The following GPRC5B variants were observed in gnomAD, a reference collection of about 807,000 sequenced individuals.
GPRC5B encodes G protein-coupled receptor class C group 5 member B, also known as G protein-coupled receptor family C group 5 member B.
A neutral mutation model predicts 30.1 loss-of-function variants in GPRC5B; 16 were observed. The ratio of observed to expected loss-of-function variants is 0.53; its 90% CI spans 0.36 to 0.81. GPRC5B has a LOEUF of 0.81. GPRC5B is among the 30% of genes least tolerant of loss of function. The pLI, the probability that GPRC5B is intolerant of heterozygous loss-of-function variation, is 0.01. For missense variants in GPRC5B, 428 were observed against 544.7 expected (o/e 0.79, Z 2.13); for synonymous variants, 241 against 239.5 (o/e 1.01, Z -0.06).
chr16:19,876,107 G>A (rs936092297), intron 1 of GPRC5B, among the ~76,000 whole-genome samples: 2 of 152,222 alleles, frequency 1.3e-5, no homozygotes, highest in Non-Finnish European at 2.9e-5. Context: ...CAGCCCCAGG[G>A]TGGCTGGGAG....
In GPRC5B at chr16:19,858,195, A is replaced by G. The variant is rs1567205320; in HGVS notation, c.*2305T>C. ...CTTTTCAGGTGTAGTCATTAGAAAA[A>G]GAACAGCTCTCTCCCTTCTCCTCTC... On this transcript the variant is annotated 3_prime_UTR_variant, in exon 4 of 4. Transcript: ENST00000300571. The G allele has an allele frequency of 1.3e-5, 4 of 296,548 alleles. No homozygotes were observed. The South Asian group carries it at 4.7e-4, about 35-fold the overall frequency. The allele number at this position is 296,548 out of a possible 1,614,324, so 18.4% of individuals were successfully genotyped here.
At chr16:19,866,396 A>G (rs898505789) in intron 2 of GPRC5B, among the ~76,000 whole-genome samples, 5 of 151,212 alleles carry the variant, frequency 3.3e-5, no homozygotes, top group African/African-American at 1.2e-4. Context: ...TCCCTTTGTC[A>G]CCCAGGCTGG....
chr16:19,873,936 C>G (rs904874677), intron 1 of GPRC5B, among the ~76,000 whole-genome samples: 2 of 152,068 alleles, frequency 1.3e-5, no homozygotes, highest in Non-Finnish European at 2.9e-5. Flanking sequence ...TGCGCCACCA[C>G]GCCTGGCTAA....
chr16:19,871,495 G>A (rs527725385), intron 2 of GPRC5B, among the ~76,000 whole-genome samples: 47 of 152,146 alleles, frequency 3.1e-4, no homozygotes, highest in East Asian at 9.7e-4. Flanking sequence ...GGTGGCACAC[G>A]CCTATAGTCC....
At chr16:19,863,070 G>A (rs1454248597) in intron 2 of GPRC5B, among the ~76,000 whole-genome samples, 1 of 152,104 alleles carries the variant, frequency 6.6e-6, no homozygotes, top group Non-Finnish European at 1.5e-5. Context: ...CCAGGAGCCA[G>A]GCACTGTGCA....
rs1465700403 is a variant in GPRC5B at position 19,872,848 on chromosome 16, T to C, written c.-1-2A>G. 1 of 1,607,006 alleles carries C rather than the reference T, an allele frequency of 6.2e-7. No homozygotes were observed. The highest frequency in any genetic ancestry group is 8.5e-7 in the Non-Finnish European group (1 of 1,174,770). The stretch of plus-strand genomic sequence containing the variant: ...TTTCTCTCTGATGCCACGAACATTC[T>C]AGAAAAGCCAAGAGGGGAATGGTTG... On this transcript the variant is annotated splice_acceptor_variant, in intron 1 of 3. Coordinates refer to ENST00000300571, the MANE Select transcript of GPRC5B (RefSeq NM_016235.3). LOFTEE classifies it low-confidence loss of function (5UTR_SPLICE). The surrounding 1 kb of genome is among the most constrained non-coding windows in gnomAD (Gnocchi z 5.0).
intron 3 of GPRC5B, among the ~76,000 whole-genome samples, chr16:19,860,767 G>A (rs2056615147): frequency 6.6e-6 from 1 of 152,136 alleles, no homozygotes; most frequent in Non-Finnish European, 1.5e-5. Context: ...AGGAATGTAA[G>A]TTCAACTCAT....
chr16:19,863,479 G>A (rs2056642750), intron 2 of GPRC5B, among the ~76,000 whole-genome samples: 1 of 145,804 alleles, frequency 6.9e-6, no homozygotes, highest in Admixed American at 7.1e-5. Context: ...ACCCAGGCAA[G>A]GAATCTGTGT....
At chr16:19,865,851 T>C (rs227760) in intron 2 of GPRC5B, among the ~76,000 whole-genome samples, 18,771 of 152,238 alleles carry the variant, frequency 0.12, 1,593 homozygotes, top group Non-Finnish European at 0.18. Flanking sequence ...TGGTTACATC[T>C]GAGAATCACT....
intron 1 of GPRC5B, among the ~76,000 whole-genome samples, chr16:19,879,561 G>A (rs952942947): frequency 6.6e-6 from 1 of 152,164 alleles, no homozygotes; most frequent in Non-Finnish European, 1.5e-5. Flanking sequence ...ACACAGGCAG[G>A]CAGGATTCCT....
intron 1 of GPRC5B, among the ~76,000 whole-genome samples, chr16:19,883,657 G>C (rs1408414064): frequency 6.6e-6 from 1 of 152,362 alleles, no homozygotes; most frequent in Non-Finnish European, 1.5e-5. Flanking sequence ...CCAATGTGGC[G>C]CGTGGGCTGG....
intron 1 of GPRC5B, 55 bp downstream of exon 1, chr16:19,884,672 A>G (rs2141156963): frequency 2.0e-6 from 2 of 983,762 alleles, no homozygotes; most frequent in East Asian, 1.1e-4. Flanking sequence ...ACGGCGGGAA[A>G]AGTTTCTGGG....
At chr16:19,885,343 C>T, upstream of GPRC5B, 1 of 1,205,320 alleles carries the variant, frequency 8.3e-7, no homozygotes, top group Non-Finnish European at 1.1e-6. The surrounding 1 kb of genome is among the most constrained non-coding windows in gnomAD (Gnocchi z 5.3). Flanking sequence ...TCGATCCCGC[C>T]CGGTGCCTCT....
intron 1 of GPRC5B, among the ~76,000 whole-genome samples, chr16:19,875,111 C>T (rs1043763856): frequency 1.3e-5 from 2 of 152,200 alleles, no homozygotes; most frequent in African/African-American, 4.8e-5. Flanking sequence ...CATCTCAGAT[C>T]CTGCCCTGGC....
intron 1 of GPRC5B, among the ~76,000 whole-genome samples, chr16:19,877,791 G>C (rs1197214749): frequency 6.6e-6 from 1 of 152,190 alleles, no homozygotes; most frequent in Non-Finnish European, 1.5e-5. Flanking sequence ...ACAAAGGGGA[G>C]AGGCGAGACA....
At chr16:19,869,879 C>T (rs2056700151) in intron 2 of GPRC5B, among the ~76,000 whole-genome samples, 1 of 152,044 alleles carries the variant, frequency 6.6e-6, no homozygotes, top group African/African-American at 2.4e-5. Flanking sequence ...CGAGACCACC[C>T]TAGGCAACAG....
upstream of GPRC5B, chr16:19,885,180 A>G: frequency 7.8e-7 from 1 of 1,281,718 alleles, no homozygotes; most frequent in Non-Finnish European, 1.0e-6. This position sits in a 1 kb window ranked among gnomAD's most constrained non-coding sequence, Gnocchi z 5.3. Flanking sequence ...TTGCGGGAAC[A>G]CTCCCCTAGC....
At chr16:19,883,567 C>T (rs370086284) in intron 1 of GPRC5B, among the ~76,000 whole-genome samples, 3 of 152,270 alleles carry the variant, frequency 2.0e-5, no homozygotes, top group Non-Finnish European at 2.9e-5. Flanking sequence ...ATCCCTCCCC[C>T]ACTTCTCTTG....
chr16:19,861,703 C>A, intron 3 of GPRC5B, 134 bp downstream of exon 3: 1 of 664,588 alleles, frequency 1.5e-6, no homozygotes, highest in East Asian at 2.7e-5. Context: ...AAAAGCATTG[C>A]ATGCGTTTGA....
Sources: allele counts gnomAD v4.1 joint callset (sites outside exome capture counted in the v4.1 genomes callset), GRCh38; gene constraint gnomAD v4.1.1; non-coding constraint Gnocchi (gnomAD v3.1); transcripts MANE v1.5; gene names NCBI Gene and HGNC (gene_info 2026-07-23, HGNC 2026-07-21).